PRKAG2: variants seen among roughly 807,000 people sequenced by gnomAD.
PRKAG2 encodes protein kinase AMP-activated non-catalytic subunit gamma 2, also known as 5'-AMP-activated protein kinase subunit gamma-2.
In PRKAG2, 26 loss-of-function variants were observed where a neutral mutation model predicts 69.6. The observed-to-expected ratio is 0.37, with a 90% CI of 0.27 to 0.52. The LOEUF is 0.52. Among genes scored for constraint, PRKAG2 ranks in the 20% least tolerant of loss-of-function variants. The pLI is 0.90. For synonymous variants in PRKAG2, 293 were observed against 285.0 expected, an observed-to-expected ratio of 1.03 and a Z score of -0.28; for missense variants, 557 against 740.0, an observed-to-expected ratio of 0.75 and a Z score of 2.87.
intron 4 of PRKAG2, among the ~76,000 whole-genome samples, chr7:151,635,408 T>C (rs1004867495): frequency 1.3e-5 from 2 of 152,228 alleles, no homozygotes; most frequent in African/African-American, 4.8e-5. Context: ...TAGCAGCTTT[T>C]TTGCAACAGT....
intron 3 of PRKAG2, among the ~76,000 whole-genome samples, chr7:151,686,095 G>A (rs947463735): frequency 6.6e-6 from 1 of 152,062 alleles, no homozygotes; most frequent in Non-Finnish European, 1.5e-5. Context: ...CACAGAGACA[G>A]TTAGGATGCT....
chr7:151,848,101 T>C (rs922367170), intron 1 of PRKAG2, among the ~76,000 whole-genome samples: 1 of 152,208 alleles, frequency 6.6e-6, no homozygotes, highest in Non-Finnish European at 1.5e-5. Flanking sequence ...GGACTTCAGC[T>C]TTCAGGATGG....
At chr7:151,805,831 A>G (rs1012525342) in intron 1 of PRKAG2, among the ~76,000 whole-genome samples, 1 of 152,204 alleles carries the variant, frequency 6.6e-6, no homozygotes, top group Non-Finnish European at 1.5e-5. Flanking sequence ...GTTTGCCAAG[A>G]TCCTTCCCCA....
intron 3 of PRKAG2, among the ~76,000 whole-genome samples, chr7:151,732,160 C>G (rs1253778995): frequency 9.7e-6 from 1 of 103,294 alleles, no homozygotes; most frequent in Non-Finnish European, 1.8e-5. Context: ...TTTTTTGAGA[C>G]AGGGTCTAGT....
chr7:151,684,843 A>G (rs767922611), intron 3 of PRKAG2, among the ~76,000 whole-genome samples: 5 of 152,090 alleles, frequency 3.3e-5, no homozygotes, highest in African/African-American at 4.8e-5. Flanking sequence ...GTCAGCCACA[A>G]TGCACTCTGG....
intron 3 of PRKAG2, among the ~76,000 whole-genome samples, chr7:151,763,743 C>T (rs1225686089): frequency 2.0e-5 from 3 of 152,230 alleles, no homozygotes; most frequent in East Asian, 3.9e-4. Flanking sequence ...TGCCCTCCCT[C>T]GTGTGCCAGC....
At chr7:151,865,040 T>C (rs973831191) in intron 1 of PRKAG2, among the ~76,000 whole-genome samples, 2 of 152,206 alleles carry the variant, frequency 1.3e-5, no homozygotes, top group African/African-American at 4.8e-5. Flanking sequence ...TGTAAACAGA[T>C]CTAGACAGGT....
intron 5 of PRKAG2, among the ~76,000 whole-genome samples, chr7:151,628,377 G>A (rs1215887373): frequency 1.3e-5 from 2 of 152,190 alleles, no homozygotes; most frequent in African/African-American, 4.8e-5. Context: ...CAGCAAAGAC[G>A]TGGTCGGTGT....
Position 151,828,737 on chromosome 7 carries a change from A to G in PRKAG2, c.115-42196T>C, listed in dbSNP as rs2078960737. ...GGAGTTTGAGACCAGACTGGACAAC[A>G]CAGCGAGACCCTGTCTTTACAAAAA... On this transcript the variant is annotated intron_variant, in intron 1 of 15. Transcript: ENST00000287878. The surrounding 1 kb of genome is among the most constrained non-coding windows in gnomAD (Gnocchi z 4.6). 6.6e-6 allele frequency among the ~76,000 whole-genome samples: 1 copy of G among 151,586 alleles called. No individual in the cohort carries two copies. The highest frequency in any genetic ancestry group is 1.5e-5 in the Non-Finnish European group (1 of 67,928).
chr7:151,873,955 GATGTATATGTATATGTATATGATGTAT>G (rs1196939176), intron 1 of PRKAG2, among the ~76,000 whole-genome samples: 3 of 149,238 alleles, frequency 2.0e-5, no homozygotes, highest in South Asian at 2.1e-4. Context: ...CTAGGTGTCT[GATGTATATGTATATGTATATGATGTAT>G]ATGTATATGT....
chr7:151,815,613 G>A (rs925255789), intron 1 of PRKAG2, among the ~76,000 whole-genome samples: 2 of 152,270 alleles, frequency 1.3e-5, no homozygotes. Flanking sequence ...GCTTCCCCAC[G>A]TGGCAGTGGT....
At chr7:151,732,384 G>A (rs1799095911) in intron 3 of PRKAG2, among the ~76,000 whole-genome samples, 1 of 151,654 alleles carries the variant, frequency 6.6e-6, no homozygotes, top group Admixed American at 6.6e-5. Context: ...AACGAGCCAC[G>A]TACCTCCGCC....
At chr7:151,562,887 G>A (rs1000422761) in intron 14 of PRKAG2, among the ~76,000 whole-genome samples, 1 of 151,344 alleles carries the variant, frequency 6.6e-6, no homozygotes, top group African/African-American at 2.4e-5. Context: ...CCTGGGAGGC[G>A]GAGCTTGCAG....
intron 15 of PRKAG2, 119 bp downstream of exon 15, chr7:151,560,405 A>G (rs769854193): frequency 5.6e-6 from 9 of 1,600,644 alleles, no homozygotes; most frequent in African/African-American, 2.7e-5. Context: ...TCAAAGTAAT[A>G]TACTCAAAGC....
chr7:151,714,445 C>CATG lies in PRKAG2; in HGVS notation c.467-38809_467-38808insCAT, dbSNP rs1398197372. ...CGGAGAGCCGTCCTCCCATCCGCGA[C>CATG]CCGCCGTCCTCCCATCCACATGCCG... On this transcript the variant is annotated intron_variant, in intron 3 of 15. Coordinates refer to ENST00000287878, the MANE Select transcript of PRKAG2 (RefSeq NM_016203.4). Among the ~76,000 whole-genome samples the CATG allele has an allele frequency of 2.5e-3, 174 of 69,054 alleles. 5 individuals are homozygous for CATG. The East Asian group carries it at 0.16, about 65-fold the overall frequency. 45.3% of individuals were successfully genotyped at this position (69,054 alleles called of 152,430 possible). A position where few individuals can be genotyped will look rare whatever the true frequency, so the allele number is the denominator to read the frequency against.
Position 151,672,219 on chromosome 7 carries a change from A to G in PRKAG2, c.684+3201T>C, listed in dbSNP as rs10260723. On this transcript the variant is annotated intron_variant, in intron 4 of 15. Coordinates refer to ENST00000287878, the MANE Select transcript of PRKAG2 (RefSeq NM_016203.4). The stretch of plus-strand genomic sequence containing the variant: ...TGCGTTCAAGCGATTCCCCTGCCTC[A>G]GCCTCCCAAGTAGCTGGGATTACAG... Among the ~76,000 whole-genome samples, 732 of 152,148 alleles carry G rather than the reference A, an allele frequency of 4.8e-3. 3 individuals are homozygous for G. The highest frequency in any genetic ancestry group is 0.017 in the African/African-American group (700 of 41,486).
chr7:151,820,413 G>T (rs1386989120), intron 1 of PRKAG2, among the ~76,000 whole-genome samples: 11 of 134,742 alleles, frequency 8.2e-5, no homozygotes, highest in Admixed American at 7.2e-4. Context: ...TGTGGCTTCT[G>T]CAGGGCACAC....
At chr7:151,806,956 C>G in intron 1 of PRKAG2, 1 of 451,840 alleles carries the variant, frequency 2.2e-6, no homozygotes, top group Non-Finnish European at 4.4e-6. Flanking sequence ...AAAAAAAAAG[C>G]CAGGCCTCCT....
At chr7:151,824,496 T>C (rs950900718) in intron 1 of PRKAG2, among the ~76,000 whole-genome samples, 2 of 152,202 alleles carry the variant, frequency 1.3e-5, no homozygotes, top group South Asian at 2.1e-4. Flanking sequence ...GAGATCCTAG[T>C]AGCCTCTGTG....
Sources: gnomAD v4.1 joint callset for allele counts (sites outside exome capture counted in the v4.1 genomes callset) on GRCh38, gnomAD v4.1.1 for gene constraint, Gnocchi (gnomAD v3.1) non-coding constraint, MANE v1.5 for transcripts, NCBI Gene and HGNC (gene_info 2026-07-23, HGNC 2026-07-21) for gene names.